TNR: variants seen among roughly 807,000 people sequenced by gnomAD.
The protein encoded by TNR is tenascin R.
TNR carries 45 observed loss-of-function variants against 150.4 expected under a neutral mutation model. That is an observed-to-expected ratio of 0.30 (90% CI 0.24 to 0.38). TNR has a LOEUF of 0.38. Among genes scored for constraint, TNR ranks in the 10% least tolerant of loss-of-function variants. The pLI, the probability that TNR is intolerant of heterozygous loss-of-function variation, is 1.00. For missense variants in TNR, 1,544 were observed against 1,759.1 expected, an observed-to-expected ratio of 0.88 and a Z score of 2.19; for synonymous variants, 687 against 678.4, an observed-to-expected ratio of 1.01 and a Z score of -0.20.
intron 1 of TNR, among the ~76,000 whole-genome samples, chr1:175,530,864 T>C (rs971233837): frequency 3.3e-5 from 5 of 152,204 alleles, no homozygotes; most frequent in Non-Finnish European, 7.3e-5. Flanking sequence ...TATATACATA[T>C]GTGAATGTGG....
intron 18 of TNR, among the ~76,000 whole-genome samples, chr1:175,347,328 T>C (rs1650842445): frequency 6.6e-6 from 1 of 152,194 alleles, no homozygotes; most frequent in South Asian, 2.1e-4. Flanking sequence ...AAACCTCAAA[T>C]CTAAACAAAC....
Position 175,320,807 on chromosome 1 carries a change from C to T in TNR, c.*2550G>A, listed in dbSNP as rs1227898702. 7.1e-6 allele frequency: 1 copy of T among 141,412 alleles called. No individual in the cohort carries two copies. The highest frequency in any genetic ancestry group is 2.6e-5 in the African/African-American group (1 of 38,882). 8.8% of individuals were successfully genotyped at this position (141,412 alleles called of 1,614,324 possible). A position where few individuals can be genotyped will look rare whatever the true frequency, so the allele number is the denominator to read the frequency against. ...TCCTTCTTTCCTTCCTTCCTTCCTT[C>T]CTTCTTTCCTTCTTTCCTCATTAAA... On this transcript the variant is annotated 3_prime_UTR_variant, in exon 23 of 23. Coordinates refer to ENST00000367674, the MANE Select transcript of TNR (RefSeq NM_003285.3).
chr1:175,507,665 C>A (rs1428415571), intron 2 of TNR, among the ~76,000 whole-genome samples: 1 of 152,182 alleles, frequency 6.6e-6, no homozygotes, highest in Non-Finnish European at 1.5e-5. Flanking sequence ...TTTTCCCACC[C>A]AGCATAATGA....
At chr1:175,719,803 T>G (rs1459067654) in intron 1 of TNR, among the ~76,000 whole-genome samples, 1 of 152,162 alleles carries the variant, frequency 6.6e-6, no homozygotes, top group East Asian at 1.9e-4. Flanking sequence ...ACCCCACTTC[T>G]AATACCCTCC....
At chr1:175,549,559 C>T (rs1360268124) in intron 1 of TNR, among the ~76,000 whole-genome samples, 1 of 152,170 alleles carries the variant, frequency 6.6e-6, no homozygotes, top group African/African-American at 2.4e-5. Flanking sequence ...TTACATGACA[C>T]AGTTTGGTGT....
chr1:175,709,860 T>A (rs1666951877), intron 1 of TNR, among the ~76,000 whole-genome samples: 1 of 151,724 alleles, frequency 6.6e-6, no homozygotes, highest in Non-Finnish European at 1.5e-5. Context: ...TCAGACATGA[T>A]CTCCATCCTC....
intron 1 of TNR, among the ~76,000 whole-genome samples, chr1:175,621,446 C>T (rs1258688847): frequency 6.6e-6 from 1 of 152,168 alleles, no homozygotes; most frequent in East Asian, 1.9e-4. Flanking sequence ...CAAACTCACC[C>T]CTGAGGTACA....
At chr1:175,635,125 C>T (rs552447154) in intron 1 of TNR, among the ~76,000 whole-genome samples, 1 of 152,322 alleles carries the variant, frequency 6.6e-6, no homozygotes, top group South Asian at 2.1e-4. Flanking sequence ...CTCACATACA[C>T]CCAGAAGCTA....
At chr1:175,696,227 T>TTGTTGTTG (rs776257273) in intron 1 of TNR, among the ~76,000 whole-genome samples, 3 of 74,016 alleles carry the variant, frequency 4.1e-5, no homozygotes, top group East Asian at 9.6e-4. Context: ...GTTTTTTTTT[T>TTGTTGTTG]TTTTTTTTTT....
rs185544608 is a variant in TNR at position 175,534,793 on chromosome 1, C to T, written c.-164-6424G>A. Among the ~76,000 whole-genome samples the T allele has an allele frequency of 2.0e-3, 297 of 152,286 alleles. 2 individuals are homozygous for T. Among genetic ancestry groups the T allele is most frequent in the African/African-American group, 6.9e-3 (288 of 41,544 alleles). The stretch of plus-strand genomic sequence containing the variant: ...CTCTGTGTCCCCACCCAAATCTCAC[C>T]ATGAATTGTAAGAATCCCCACATGT... On this transcript the variant is annotated intron_variant, in intron 1 of 22. Transcript: ENST00000367674.
rs142581556 is a variant in TNR, at chr1:175,323,174, A to G, written c.*183T>C. 5,225 of 680,406 alleles carry G rather than the reference A, an allele frequency of 7.7e-3. 32 individuals carry two copies. The highest frequency in any genetic ancestry group is 9.1e-3 in the Non-Finnish European group (3,978 of 435,516). 42.1% of individuals were successfully genotyped at this position (680,406 alleles called of 1,614,324 possible). The stretch of plus-strand genomic sequence containing the variant: ...GGAGGGAGAATGGAGACTGAGGGTC[A>G]GGCTCCAGGGCAGCAGAAACCAAGA... On this transcript the variant is annotated 3_prime_UTR_variant, in exon 23 of 23. Coordinates refer to ENST00000367674, the MANE Select transcript of TNR (RefSeq NM_003285.3).
chr1:175,354,756 T>C (rs1651238814), intron 17 of TNR, among the ~76,000 whole-genome samples: 1 of 152,212 alleles, frequency 6.6e-6, no homozygotes, highest in Admixed American at 6.5e-5. Context: ...TAAATTTAGG[T>C]ACCTGCATTA....
At chr1:175,565,709 G>A (rs1341628737) in intron 1 of TNR, among the ~76,000 whole-genome samples, 1 of 152,168 alleles carries the variant, frequency 6.6e-6, no homozygotes, top group East Asian at 1.9e-4. Context: ...TTAAGAAAGT[G>A]CACAAGACTT....
At position 175,331,041 on chromosome 1, in the gene TNR, C is replaced by CT. The variant is rs371670839; in HGVS notation, c.3632-807dup. 8.5e-3 allele frequency among the ~76,000 whole-genome samples: 647 copies of CT among 75,912 alleles called. 22 individuals are homozygous for CT. Among genetic ancestry groups the CT allele is most frequent in the African/African-American group, 0.028 (617 of 21,962 alleles). The allele number at this position is 75,912 out of a possible 152,430, so 49.8% of individuals were successfully genotyped here. ...TCTTTCTTTCTTTCTTTCTTTCTTT[C>CT]TTTCTTTCTTTCTTTCTTTCTTTCT... On this transcript the variant is annotated intron_variant, in intron 20 of 22. Coordinates refer to ENST00000367674, the MANE Select transcript of TNR (RefSeq NM_003285.3).
At position 175,319,765 on chromosome 1, in the gene TNR, T is replaced by A. The variant is rs1312930699; in HGVS notation, c.*3592A>T. On this transcript the variant is annotated 3_prime_UTR_variant, in exon 23 of 23. Coordinates refer to ENST00000367674, the MANE Select transcript of TNR (RefSeq NM_003285.3). ...TGGCTCTCCTGGAAACTTGGAGACG[T>A]GGCCTTTCTCAACCCCGCTGACGTT... 1 of 152,260 alleles carries A rather than the reference T, an allele frequency of 6.6e-6. No homozygotes were observed. The highest frequency in any genetic ancestry group is 1.9e-4 in the East Asian group (1 of 5,202). The allele number at this position is 152,260 out of a possible 1,614,324, so 9.4% of individuals were successfully genotyped here.
chr1:175,440,277 A>G (rs2102080197), intron 2 of TNR, among the ~76,000 whole-genome samples: 1 of 152,186 alleles, frequency 6.6e-6, no homozygotes, highest in East Asian at 1.9e-4. Context: ...TCACGAGGAC[A>G]AAAAACCAAA....
intron 1 of TNR, among the ~76,000 whole-genome samples, chr1:175,569,842 A>T (rs1243984960): frequency 6.6e-6 from 1 of 152,164 alleles, no homozygotes; most frequent in Non-Finnish European, 1.5e-5. Context: ...GAGACTCAGA[A>T]AGGTTAGGTC....
chr1:175,662,087 G>A (rs1395514066), intron 1 of TNR, among the ~76,000 whole-genome samples: 1 of 152,132 alleles, frequency 6.6e-6, no homozygotes, highest in South Asian at 2.1e-4. Context: ...ATTGGAGCAT[G>A]GGGATTAGGA....
At chr1:175,412,258 T>C (rs1181951664) in intron 2 of TNR, among the ~76,000 whole-genome samples, 5 of 152,182 alleles carry the variant, frequency 3.3e-5, no homozygotes, top group Non-Finnish European at 5.9e-5. Context: ...AGGGTCTTCA[T>C]ACTAATTTCA....
Sources: allele counts gnomAD v4.1 joint callset (sites outside exome capture counted in the v4.1 genomes callset), GRCh38; gene constraint gnomAD v4.1.1; transcripts MANE v1.5; gene names NCBI Gene and HGNC (gene_info 2026-07-23, HGNC 2026-07-21).